Variants in KCNMA1 observed in about 807,000 individuals in gnomAD.
KCNMA1 encodes the protein Calcium-activated potassium channel subunit alpha-1.
A neutral mutation model predicts 140.0 loss-of-function variants in KCNMA1; 29 were observed. That is an observed-to-expected ratio of 0.21 (90% CI 0.15 to 0.28). The LOEUF (loss-of-function observed/expected upper bound fraction) is 0.28, where lower values mean the gene tolerates loss of function less well. KCNMA1 is among the 10% of genes least tolerant of loss of function. The pLI is 1.00. For synonymous variants in KCNMA1, 612 were observed against 611.9 expected (o/e 1.00, Z 0.00); for missense variants, 880 against 1,602.2 (o/e 0.55, Z 7.70).
intron 14 of KCNMA1, among the ~76,000 whole-genome samples, chr10:77,050,460 G>A (rs575141298): frequency 6.6e-6 from 1 of 152,294 alleles, no homozygotes; most frequent in East Asian, 1.9e-4. Context: ...AATCCCACCA[G>A]CCACTGCTGT....
chr10:76,944,465 G>C (rs2063392684), intron 23 of KCNMA1, among the ~76,000 whole-genome samples: 1 of 152,190 alleles, frequency 6.6e-6, no homozygotes, highest in Non-Finnish European at 1.5e-5. Context: ...TCAGTGCTCT[G>C]ACATTTAGCT....
intron 23 of KCNMA1, among the ~76,000 whole-genome samples, chr10:76,922,266 G>T (rs2056124021): frequency 6.6e-6 from 1 of 152,206 alleles, no homozygotes; most frequent in South Asian, 2.1e-4. Flanking sequence ...GGCTTAGAAT[G>T]GAGAAGTTAT....
intron 14 of KCNMA1, among the ~76,000 whole-genome samples, chr10:77,067,514 A>C (rs991825336): frequency 2.6e-5 from 4 of 152,198 alleles, no homozygotes; most frequent in African/African-American, 9.7e-5. Context: ...GCACACACAC[A>C]CACAGAGACA....
chr10:76,910,227 AGATG>A (rs948497891), intron 24 of KCNMA1, 131 bp from the exon 25 acceptor site: 44 of 1,004,318 alleles, frequency 4.4e-5, no homozygotes, highest in Non-Finnish European at 6.0e-5. Context: ...AATAAGCTGT[AGATG>A]GATCTTTGGG....
At chr10:77,500,666 C>T (rs374199383) in intron 1 of KCNMA1, among the ~76,000 whole-genome samples, 6 of 152,240 alleles carry the variant, frequency 3.9e-5, no homozygotes, top group African/African-American at 1.4e-4. Flanking sequence ...CCTCACAACA[C>T]AAAACATCAA....
chr10:77,082,397 C>A (rs565441465), intron 12 of KCNMA1, among the ~76,000 whole-genome samples: 2 of 152,184 alleles, frequency 1.3e-5, no homozygotes, highest in East Asian at 3.9e-4. Flanking sequence ...CATATTAACC[C>A]TACCACAGTT....
intron 12 of KCNMA1, among the ~76,000 whole-genome samples, chr10:77,083,756 G>T (rs2096633662): frequency 6.6e-6 from 1 of 150,660 alleles, no homozygotes; most frequent in Admixed American, 6.6e-5. Context: ...GATCGTTTGG[G>T]CTCAGGAGTT....
At chr10:77,433,103 G>C (rs145543570) in intron 1 of KCNMA1, among the ~76,000 whole-genome samples, 36 of 152,258 alleles carry the variant, frequency 2.4e-4, no homozygotes, top group African/African-American at 8.4e-4. Flanking sequence ...TCAAAACAAA[G>C]GTGATTTCAT....
chr10:77,440,295 A>G (rs1566866387), intron 1 of KCNMA1, among the ~76,000 whole-genome samples: 1 of 152,104 alleles, frequency 6.6e-6, no homozygotes. Flanking sequence ...ACTGACATCA[A>G]CTCTACAAGG....
chr10:77,155,567 C>T (rs2154067205), intron 5 of KCNMA1, among the ~76,000 whole-genome samples: 1 of 152,280 alleles, frequency 6.6e-6, no homozygotes, highest in South Asian at 2.1e-4. Context: ...CACGCTCAGC[C>T]ATGGCTCTGG....
At chr10:77,028,573 T>C (rs1197725105) in intron 15 of KCNMA1, among the ~76,000 whole-genome samples, 1 of 152,142 alleles carries the variant, frequency 6.6e-6, no homozygotes, top group Non-Finnish European at 1.5e-5. Context: ...ACTCTAATCT[T>C]GCAAGCAGTG....
At chr10:77,616,008 GAAGA>G (rs1746917648) in intron 1 of KCNMA1, among the ~76,000 whole-genome samples, 1 of 152,226 alleles carries the variant, frequency 6.6e-6, no homozygotes, top group African/African-American at 2.4e-5. Flanking sequence ...GTTTACCAAT[GAAGA>G]AAGTGAGCTT....
chr10:76,969,672 G>A (rs1271079926), intron 20 of KCNMA1, among the ~76,000 whole-genome samples: 2 of 152,196 alleles, frequency 1.3e-5, no homozygotes, highest in African/African-American at 2.4e-5. Context: ...TGCCACTGCT[G>A]TTTAGGAACT....
At chr10:77,405,372 T>C (rs1242496347) in intron 1 of KCNMA1, among the ~76,000 whole-genome samples, 1 of 152,264 alleles carries the variant, frequency 6.6e-6, no homozygotes, top group East Asian at 1.9e-4. Context: ...GCTGCAGCCT[T>C]GGTGCCTAAT....
intron 17 of KCNMA1, among the ~76,000 whole-genome samples, chr10:77,015,099 C>T (rs946205153): frequency 4.6e-5 from 7 of 152,164 alleles, no homozygotes; most frequent in African/African-American, 1.7e-4. Context: ...ACCCCTCCCA[C>T]AAGCAGCCTT....
intron 3 of KCNMA1, among the ~76,000 whole-genome samples, chr10:77,249,082 G>A (rs2059195936): frequency 6.6e-6 from 1 of 152,202 alleles, no homozygotes. Context: ...CTGGGATGAG[G>A]CTACGACAGT....
intron 25 of KCNMA1, among the ~76,000 whole-genome samples, chr10:76,909,334 G>A (rs373682754): frequency 1.3e-4 from 20 of 152,210 alleles, no homozygotes; most frequent in South Asian, 2.1e-4. Context: ...ACCTCCTGCC[G>A]CCATCTTGTA....
At chr10:77,551,196 A>C (rs1323743152) in intron 1 of KCNMA1, among the ~76,000 whole-genome samples, 1 of 152,184 alleles carries the variant, frequency 6.6e-6, no homozygotes, top group Non-Finnish European at 1.5e-5. Flanking sequence ...ATGCAAGTTT[A>C]AGTAAATATT....
intron 18 of KCNMA1, among the ~76,000 whole-genome samples, chr10:77,008,764 A>C (rs2089920883): frequency 2.6e-5 from 4 of 152,174 alleles, no homozygotes; most frequent in Admixed American, 2.6e-4. Context: ...TAATACCTGG[A>C]CTAACACGTT....
Sources: allele counts gnomAD v4.1 joint callset (sites outside exome capture counted in the v4.1 genomes callset), GRCh38; gene constraint gnomAD v4.1.1; transcripts MANE v1.5; gene names NCBI Gene and HGNC (gene_info 2026-07-23, HGNC 2026-07-21).